CSMD1: variants seen among roughly 807,000 people sequenced by gnomAD.
CSMD1 encodes CUB and Sushi multiple domains 1, also known as CUB and sushi domain-containing protein 1.
A neutral mutation model predicts 417.5 loss-of-function variants in CSMD1; 213 were observed. The ratio of observed to expected loss-of-function variants is 0.51; its 90% confidence interval spans 0.46 to 0.57. The LOEUF (loss-of-function observed/expected upper bound fraction) is 0.57. Among genes scored for constraint, CSMD1 ranks in the 20% least tolerant of loss-of-function variants. The pLI is 0.00. For missense variants in CSMD1, 6,923 were observed against 4,529.7 expected, an observed-to-expected ratio of 1.53 and a Z score of -15.17; for synonymous variants, 2,862 against 1,736.8, an observed-to-expected ratio of 1.65 and a Z score of -16.11.
intron 5 of CSMD1, among the ~76,000 whole-genome samples, chr8:3,801,555 AG>A (rs1460079504): frequency 3.3e-5 from 5 of 152,152 alleles, no homozygotes; most frequent in African/African-American, 1.2e-4. Flanking sequence ...GCTGGAAGAC[AG>A]TTTTGCAATT....
rs192723757 is a variant in CSMD1, at chr8:3,926,369, C to G, written c.818+71534G>C. Among the ~76,000 whole-genome samples, 298 of 151,920 alleles carry G rather than the reference C, an allele frequency of 2.0e-3. 1 individual carries two copies. The highest frequency in any genetic ancestry group is 6.4e-3 in the African/African-American group (267 of 41,454). On this transcript the variant is annotated intron_variant, in intron 5 of 69. Transcript: ENST00000635120. The stretch of plus-strand genomic sequence containing the variant: ...CTTATCTTATTTTATGTTTTTTCAC[C>G]AGAAACAGGAGGGCAGTAAGATTTT...
At chr8:4,916,854 CAAG>C (rs1289991878) in intron 1 of CSMD1, among the ~76,000 whole-genome samples, 1 of 152,164 alleles carries the variant, frequency 6.6e-6, no homozygotes, top group Non-Finnish European at 1.5e-5. Context: ...TTTACTTTTG[CAAG>C]AAATGACAGA....
At chr8:4,813,239 A>C (rs1799008412) in intron 1 of CSMD1, among the ~76,000 whole-genome samples, 1 of 152,208 alleles carries the variant, frequency 6.6e-6, no homozygotes, top group African/African-American at 2.4e-5. Flanking sequence ...GCTTAGAAAA[A>C]TCAAACATGA....
intron 3 of CSMD1, among the ~76,000 whole-genome samples, chr8:4,317,483 A>AT (rs1204549385): frequency 1.3e-5 from 2 of 152,188 alleles, no homozygotes; most frequent in Non-Finnish European, 2.9e-5. Context: ...AGGCATGTAC[A>AT]TGCACAATCA....
intron 42 of CSMD1, among the ~76,000 whole-genome samples, chr8:3,114,186 G>A (rs1176662882): frequency 1.3e-5 from 2 of 152,166 alleles, no homozygotes; most frequent in East Asian, 3.9e-4. Context: ...CAAGGCTACA[G>A]TGAGCAGTGA....
In CSMD1 at chr8:4,390,497, T is replaced by TTTATTTATTTA. The variant is rs1554457298; in HGVS notation, c.415+29455_415+29456insTAAATAAATAA. On this transcript the variant is annotated intron_variant, in intron 3 of 69. Transcript: ENST00000635120. ...AACTGTTACCCACAGAAGCGTCCAT[T>TTTATTTATTTA]TTTATTTATTTATTTATTTATTTAT... 3.7e-3 allele frequency among the ~76,000 whole-genome samples: 526 copies of TTTATTTATTTA among 140,358 alleles called. 9 individuals are homozygous for TTTATTTATTTA. Among genetic ancestry groups the TTTATTTATTTA allele is most frequent in the African/African-American group, 0.013 (477 of 37,136 alleles). 92.1% of individuals were successfully genotyped at this position (140,358 alleles called of 152,430 possible).
At chr8:4,100,059 T>C (rs1801226213) in intron 3 of CSMD1, among the ~76,000 whole-genome samples, 2 of 152,186 alleles carry the variant, frequency 1.3e-5, no homozygotes, top group Admixed American at 6.6e-5. Context: ...GCATGCACTT[T>C]AGAATCCAAG....
At chr8:3,316,682 G>A (rs751376464) in intron 23 of CSMD1, among the ~76,000 whole-genome samples, 3 of 152,074 alleles carry the variant, frequency 2.0e-5, no homozygotes, top group African/African-American at 7.2e-5. Flanking sequence ...CCTTTTAAAC[G>A]TGTGGCGGTT....
chr8:3,967,261 T>A (rs569509661), intron 5 of CSMD1, among the ~76,000 whole-genome samples: 37 of 139,470 alleles, frequency 2.7e-4, no homozygotes, highest in Non-Finnish European at 3.8e-4. Context: ...TCTGCTTTTT[T>A]AATTCTCTCT....
intron 1 of CSMD1, among the ~76,000 whole-genome samples, chr8:4,664,369 G>A (rs1804786838): frequency 6.6e-6 from 1 of 152,112 alleles, no homozygotes; most frequent in Admixed American, 6.6e-5. Flanking sequence ...AGACCAGCCT[G>A]GGCAACATGG....
At chr8:3,855,813 G>A (rs942424441) in intron 5 of CSMD1, among the ~76,000 whole-genome samples, 1 of 152,086 alleles carries the variant, frequency 6.6e-6, no homozygotes. Flanking sequence ...TTTACTAGTA[G>A]GGTATTACGT....
chr8:4,190,961 G>T (rs149543540), intron 3 of CSMD1, among the ~76,000 whole-genome samples: 1 of 151,774 alleles, frequency 6.6e-6, no homozygotes, highest in Non-Finnish European at 1.5e-5. Flanking sequence ...AGTGGGGGGG[G>T]CGGGGAAGGG....
chr8:4,342,221 G>A (rs1413553341), intron 3 of CSMD1, among the ~76,000 whole-genome samples: 7 of 12,350 alleles, frequency 5.7e-4, no homozygotes, highest in African/African-American at 2.9e-3. Flanking sequence ...GTGTGTGTGT[G>A]TGTGTGTGTG....
At chr8:3,133,001 C>T (rs139892831) in intron 41 of CSMD1, among the ~76,000 whole-genome samples, 1 of 152,216 alleles carries the variant, frequency 6.6e-6, no homozygotes, top group Non-Finnish European at 1.5e-5. Flanking sequence ...GAACCTCTCC[C>T]ACTTGGCCTC....
At chr8:3,182,157 G>C (rs1006479322) in intron 36 of CSMD1, among the ~76,000 whole-genome samples, 8 of 152,150 alleles carry the variant, frequency 5.3e-5, no homozygotes, top group African/African-American at 1.9e-4. Context: ...AAAGAAATAA[G>C]TTGATAATTA....
At chr8:3,119,723 C>T (rs757408165) in intron 41 of CSMD1, among the ~76,000 whole-genome samples, 15 of 152,194 alleles carry the variant, frequency 9.9e-5, no homozygotes, top group Admixed American at 4.6e-4. Context: ...TTTAGGCACA[C>T]CTTTGTCCAT....
intron 11 of CSMD1, among the ~76,000 whole-genome samples, chr8:3,470,504 T>C (rs575971107): frequency 1.3e-5 from 2 of 152,350 alleles, no homozygotes; most frequent in East Asian, 3.9e-4. Flanking sequence ...ACCAGCCTCG[T>C]TAAAACTTTC....
chr8:4,348,117 G>C (rs1267841090), intron 3 of CSMD1, among the ~76,000 whole-genome samples: 1 of 152,152 alleles, frequency 6.6e-6, no homozygotes, highest in African/African-American at 2.4e-5. Flanking sequence ...CTAACTACCA[G>C]TTAGAAGTAT....
At chr8:4,448,815 C>A (rs940249473) in intron 2 of CSMD1, among the ~76,000 whole-genome samples, 4 of 152,142 alleles carry the variant, frequency 2.6e-5, no homozygotes, top group African/African-American at 9.7e-5. Flanking sequence ...AAACCTAATT[C>A]TGGGACAGGG....
Sources: allele counts gnomAD v4.1 joint callset (sites outside exome capture counted in the v4.1 genomes callset), GRCh38; gene constraint gnomAD v4.1.1; transcripts MANE v1.5; gene names NCBI Gene and HGNC (gene_info 2026-07-23, HGNC 2026-07-21).